The following RELN variants were observed in gnomAD, a reference collection of about 807,000 sequenced individuals.
The protein encoded by RELN is reelin.
In RELN, 108 loss-of-function variants were observed where a neutral mutation model predicts 427.6. The ratio of observed to expected loss-of-function variants is 0.25; its 90% CI spans 0.22 to 0.30. RELN has a LOEUF of 0.30. RELN is among the 10% of genes least tolerant of loss of function. The pLI, the probability that RELN is intolerant of heterozygous loss-of-function variation, is 1.00. For synonymous variants in RELN, 1,524 were observed against 1,513.4 expected (o/e 1.01, Z -0.16); for missense variants, 3,715 against 4,302.8 (o/e 0.86, Z 3.82).
At chr7:103,492,701 T>C (rs1030212535) in intron 57 of RELN, among the ~76,000 whole-genome samples, 3 of 152,250 alleles carry the variant, frequency 2.0e-5, no homozygotes, top group Middle Eastern at 3.4e-3. Context: ...AGAAGCATAA[T>C]GATAGTGGGA....
At chr7:103,986,631 A>AT (rs1491050829) in intron 1 of RELN, among the ~76,000 whole-genome samples, 1 of 49,414 alleles carries the variant, frequency 2.0e-5, no homozygotes, top group African/African-American at 9.3e-5. Context: ...CTTTTAGGTA[A>AT]AAAAAAAAAA....
chr7:103,763,264 G>A (rs1472263198), intron 4 of RELN, among the ~76,000 whole-genome samples: 1 of 152,160 alleles, frequency 6.6e-6, no homozygotes, highest in African/African-American at 2.4e-5. Context: ...AGACTGGCTG[G>A]CAATTAAAGA....
chr7:103,895,631 G>A (rs569125661), intron 2 of RELN, among the ~76,000 whole-genome samples: 6 of 152,080 alleles, frequency 3.9e-5, no homozygotes, highest in African/African-American at 1.4e-4. Context: ...TAAACAGGCA[G>A]GCACTGCTTA....
At chr7:103,906,797 AG>A (rs1249926134) in intron 2 of RELN, among the ~76,000 whole-genome samples, 2 of 152,196 alleles carry the variant, frequency 1.3e-5, no homozygotes, top group African/African-American at 4.8e-5. Flanking sequence ...GCAGAAAAGG[AG>A]GGCAGAGGAG....
intron 1 of RELN, among the ~76,000 whole-genome samples, chr7:103,959,679 C>T (rs556687195): frequency 1.4e-3 from 214 of 152,188 alleles, no homozygotes; most frequent in Non-Finnish European, 2.4e-3. Flanking sequence ...AGTGTGATCA[C>T]GGCTCACTGC....
At chr7:103,741,465 A>T (rs969465059) in intron 6 of RELN, among the ~76,000 whole-genome samples, 2 of 152,066 alleles carry the variant, frequency 1.3e-5, no homozygotes, top group African/African-American at 2.4e-5. Context: ...AATTAGCTTA[A>T]GATTATTTTA....
intron 10 of RELN, 23 bp downstream of exon 10, chr7:103,697,830 C>T (rs1168874296): frequency 6.2e-7 from 1 of 1,613,138 alleles, no homozygotes; most frequent in South Asian, 1.1e-5. Flanking sequence ...TAAAACAACC[C>T]AAAAACTAAA....
intron 28 of RELN, among the ~76,000 whole-genome samples, chr7:103,581,557 T>C (rs935242311): frequency 4.6e-5 from 7 of 152,130 alleles, no homozygotes; most frequent in African/African-American, 1.7e-4. Flanking sequence ...GAGATGTGAA[T>C]TACTGGGGCT....
At chr7:103,664,768 CTCTTA>C (rs911283414) in intron 11 of RELN, among the ~76,000 whole-genome samples, 3 of 152,090 alleles carry the variant, frequency 2.0e-5, no homozygotes, top group African/African-American at 7.2e-5. Context: ...GTTGGGGTCA[CTCTTA>C]TCTTGAGTTG....
intron 20 of RELN, among the ~76,000 whole-genome samples, chr7:103,621,198 T>G (rs3808027): frequency 0.27 from 40,314 of 152,084 alleles, 5,809 homozygotes; most frequent in Middle Eastern, 0.41. Flanking sequence ...TTTTTAACAT[T>G]GCCTTTAAAT....
At chr7:103,711,906 G>A (rs1789811180) in intron 8 of RELN, among the ~76,000 whole-genome samples, 1 of 152,108 alleles carries the variant, frequency 6.6e-6, no homozygotes, top group Non-Finnish European at 1.5e-5. Context: ...TGATCCACCT[G>A]CCTTGGCCTC....
At chr7:103,543,472 C>T (rs2953018) in intron 42 of RELN, among the ~76,000 whole-genome samples, 98 of 152,080 alleles carry the variant, frequency 6.4e-4, no homozygotes, top group Non-Finnish European at 1.2e-3. Flanking sequence ...ATGACAAAAC[C>T]CTGTCTCTAC....
chr7:103,957,760 T>C (rs1796464133), intron 1 of RELN, among the ~76,000 whole-genome samples: 2 of 152,204 alleles, frequency 1.3e-5, no homozygotes, highest in African/African-American at 4.8e-5. Context: ...TTCAGAGTCA[T>C]TCCTGGATTG....
At chr7:103,727,965 C>A in intron 7 of RELN, 146 bp downstream of exon 7, 2 of 752,552 alleles carry the variant, frequency 2.7e-6, no homozygotes, top group Non-Finnish European at 4.6e-6. Context: ...AGAATCACCC[C>A]TCCCAATTTT....
chr7:103,786,725 A>G (rs925103256), intron 3 of RELN, among the ~76,000 whole-genome samples: 6 of 152,118 alleles, frequency 3.9e-5, no homozygotes, highest in African/African-American at 1.4e-4. Context: ...ACCTACAAAG[A>G]GACTTAGACT....
chr7:103,887,829 G>C (rs766959544), intron 2 of RELN, among the ~76,000 whole-genome samples: 4 of 152,102 alleles, frequency 2.6e-5, no homozygotes, highest in Non-Finnish European at 5.9e-5. Flanking sequence ...CACCAGAACT[G>C]GGGAAGTTCT....
chr7:103,556,723 C>T (rs780781926), intron 38 of RELN, among the ~76,000 whole-genome samples: 30 of 152,184 alleles, frequency 2.0e-4, no homozygotes, highest in South Asian at 2.1e-4. Flanking sequence ...TTGCCTCCCG[C>T]CACGATTCTG....
At chr7:103,797,021 T>C (rs915619980) in intron 3 of RELN, among the ~76,000 whole-genome samples, 1 of 152,180 alleles carries the variant, frequency 6.6e-6, no homozygotes, top group Non-Finnish European at 1.5e-5. Context: ...TTTAGAATAT[T>C]AATTGATCTC....
At chr7:103,941,056 TA>T in intron 1 of RELN, among the ~76,000 whole-genome samples, 1 of 152,286 alleles carries the variant, frequency 6.6e-6, no homozygotes, top group East Asian at 1.9e-4. Flanking sequence ...CCCTGGATGT[TA>T]TTACCCCTGG....
Sources: allele counts gnomAD v4.1 joint callset (sites outside exome capture counted in the v4.1 genomes callset), GRCh38; gene constraint gnomAD v4.1.1; transcripts MANE v1.5; gene names NCBI Gene and HGNC (gene_info 2026-07-23, HGNC 2026-07-21).